The following ARHGAP24 variants were observed in gnomAD, a reference collection of about 807,000 sequenced individuals.
ARHGAP24 encodes the protein rho GTPase-activating protein 24.
ARHGAP24 carries 50 observed loss-of-function variants against 76.4 expected under a neutral mutation model. The observed-to-expected ratio is 0.65, with a 90% confidence interval of 0.52 to 0.83. The LOEUF is 0.83. Among genes scored for constraint, ARHGAP24 ranks in the 40% least tolerant of loss-of-function variants. ARHGAP24 has a pLI of 0.00. For synonymous variants in ARHGAP24, 345 were observed against 323.3 expected (o/e 1.07, Z -0.72); for missense variants, 930 against 914.2 (o/e 1.02, Z -0.22).
chr4:85,803,472 T>C (rs533792809), intron 3 of ARHGAP24, among the ~76,000 whole-genome samples: 69 of 152,356 alleles, frequency 4.5e-4, no homozygotes, highest in Non-Finnish European at 9.4e-4. Flanking sequence ...CTTTCATGCC[T>C]ACAGCTTGAG....
At chr4:85,591,031 G>GTTTTTT (rs35373441) in intron 2 of ARHGAP24, among the ~76,000 whole-genome samples, 9 of 62,652 alleles carry the variant, frequency 1.4e-4, no homozygotes, top group African/African-American at 5.4e-4. Context: ...AATCTGCTGG[G>GTTTTTT]TTTTTTTTTT....
At chr4:85,863,067 T>A (rs868263569) in intron 3 of ARHGAP24, among the ~76,000 whole-genome samples, 1 of 152,092 alleles carries the variant, frequency 6.6e-6, no homozygotes, top group African/African-American at 2.4e-5. Flanking sequence ...CTTATAGAAG[T>A]AGCATGACAT....
At chr4:85,744,143 T>A (rs7682971) in intron 3 of ARHGAP24, among the ~76,000 whole-genome samples, 1 of 152,150 alleles carries the variant, frequency 6.6e-6, no homozygotes, top group African/African-American at 2.4e-5. Context: ...TTATCACATA[T>A]GAATTCAGCT....
intron 3 of ARHGAP24, among the ~76,000 whole-genome samples, chr4:85,768,179 A>T (rs1250647467): frequency 6.6e-6 from 1 of 152,142 alleles, no homozygotes; most frequent in Non-Finnish European, 1.5e-5. Flanking sequence ...AAAAAGAAAG[A>T]TGAGAGTGAA....
In ARHGAP24 at chr4:85,995,828, G is replaced by A. The variant is rs572372012; in HGVS notation, c.2003+171G>A. ...GTGCAAGTTAGCTTCATCTCTGTGA[G>A]CTTTGATTCCCTAATGTAAACAATT... On this transcript the variant is annotated intron_variant, in intron 9 of 9. Transcript: ENST00000395184. Among the ~76,000 whole-genome samples, 4 of 152,238 alleles carry A rather than the reference G, an allele frequency of 2.6e-5. No individual in the cohort carries two copies. In the East Asian group the frequency reaches 7.7e-4, roughly 29 times the overall value.
intron 4 of ARHGAP24, among the ~76,000 whole-genome samples, chr4:85,936,072 G>T (rs1001855876): frequency 6.6e-5 from 10 of 152,090 alleles, no homozygotes; most frequent in African/African-American, 2.4e-4. Context: ...TTGCCCATTT[G>T]CTATGGGTGA....
intron 3 of ARHGAP24, among the ~76,000 whole-genome samples, chr4:85,791,836 C>T (rs1728145428): frequency 6.6e-6 from 1 of 152,142 alleles, no homozygotes; most frequent in African/African-American, 2.4e-5. Flanking sequence ...AAAAAAATTT[C>T]AAATGTTTTG....
chr4:85,555,135 T>C (rs1455194653), intron 1 of ARHGAP24, among the ~76,000 whole-genome samples: 2 of 152,198 alleles, frequency 1.3e-5, no homozygotes, highest in African/African-American at 4.8e-5. Flanking sequence ...ATTTCAGTCT[T>C]TTCATCCTGG....
At chr4:85,800,375 G>A (rs1423592761) in intron 3 of ARHGAP24, among the ~76,000 whole-genome samples, 1 of 152,152 alleles carries the variant, frequency 6.6e-6, no homozygotes, top group Non-Finnish European at 1.5e-5. Flanking sequence ...TTGTACCAGA[G>A]AGTAGAATTG....
intron 3 of ARHGAP24, among the ~76,000 whole-genome samples, chr4:85,865,513 T>C (rs1306653239): frequency 1.4e-5 from 2 of 147,442 alleles, no homozygotes; most frequent in Non-Finnish European, 3.0e-5. Context: ...TAAAAAACAA[T>C]AAATAATTTT....
chr4:85,945,247 A>G (rs1737183708), intron 5 of ARHGAP24, among the ~76,000 whole-genome samples: 1 of 151,986 alleles, frequency 6.6e-6, no homozygotes, highest in African/African-American at 2.4e-5. Context: ...GGTTCAAGCC[A>G]TTCTCATGCC....
chr4:85,962,662 T>C (rs752806469), intron 5 of ARHGAP24, among the ~76,000 whole-genome samples: 4 of 151,918 alleles, frequency 2.6e-5, no homozygotes, highest in Non-Finnish European at 5.9e-5. Flanking sequence ...TTAGTATTTA[T>C]GTTATACTTT....
intron 3 of ARHGAP24, among the ~76,000 whole-genome samples, chr4:85,840,784 T>G (rs1730557639): frequency 6.6e-6 from 1 of 152,210 alleles, no homozygotes; most frequent in Admixed American, 6.6e-5. Flanking sequence ...TAAGTTGTGT[T>G]AAAGTTGCCA....
chr4:85,646,387 T>G (rs1427782658), intron 2 of ARHGAP24, among the ~76,000 whole-genome samples: 1 of 152,128 alleles, frequency 6.6e-6, no homozygotes, highest in Non-Finnish European at 1.5e-5. Flanking sequence ...GTATTACTCT[T>G]TGGTTTTCAA....
In ARHGAP24 at chr4:85,903,828, A is replaced by G. The variant is rs544460253; in HGVS notation, c.269-19820A>G. On this transcript the variant is annotated intron_variant, in intron 3 of 9. Transcript: ENST00000395184. ...CATGAAAATCAATATTTCCCAAAAT[A>G]TATTCCATAAAACACAAGTCTTTTG... Among the ~76,000 whole-genome samples the G allele has an allele frequency of 4.6e-5, 7 of 152,270 alleles. No homozygotes were observed. The South Asian group carries it at 1.5e-3, about 32-fold the overall frequency.
At chr4:85,991,918 A>G in intron 8 of ARHGAP24, 1 of 380,324 alleles carries the variant, frequency 2.6e-6, no homozygotes, top group Non-Finnish European at 4.7e-6. Context: ...TTGCATTTAC[A>G]TATTATATTT....
chr4:85,933,856 C>T (rs150561332), intron 4 of ARHGAP24, among the ~76,000 whole-genome samples: 23 of 152,228 alleles, frequency 1.5e-4, no homozygotes, highest in African/African-American at 5.1e-4. Flanking sequence ...TTGATTTTTT[C>T]GTGAACTACT....
chr4:85,744,039 TA>T (rs1399902609), intron 3 of ARHGAP24, among the ~76,000 whole-genome samples: 1 of 152,282 alleles, frequency 6.6e-6, no homozygotes, highest in Non-Finnish European at 1.5e-5. Flanking sequence ...TCCTCCATAT[TA>T]AAAACAAAAA....
intron 2 of ARHGAP24, among the ~76,000 whole-genome samples, chr4:85,694,213 G>T (rs1331781123): frequency 1.3e-5 from 2 of 151,980 alleles, no homozygotes; most frequent in Non-Finnish European, 2.9e-5. Context: ...TGTGCATCTA[G>T]TCAGCCATCT....
Sources: gnomAD v4.1 joint callset for allele counts (sites outside exome capture counted in the v4.1 genomes callset) on GRCh38, gnomAD v4.1.1 for gene constraint, MANE v1.5 for transcripts, NCBI Gene and HGNC (gene_info 2026-07-23, HGNC 2026-07-21) for gene names.